The following MDGA2 variants were observed in gnomAD, a reference collection of about 807,000 sequenced individuals.
MDGA2 encodes the protein MAM domain-containing glycosylphosphatidylinositol anchor protein 2.
Under a neutral mutation model 117.8 loss-of-function variants are expected in MDGA2, and 40 were observed. The ratio of observed to expected loss-of-function variants is 0.34; its 90% CI spans 0.26 to 0.44. The LOEUF (loss-of-function observed/expected upper bound fraction) is 0.44. Ranked by LOEUF, MDGA2 falls within the 20% of genes least tolerant of loss-of-function variation. The pLI is 1.00. For synonymous variants in MDGA2, 452 were observed against 439.0 expected (o/e 1.03, Z -0.37); for missense variants, 1,123 against 1,250.6 (o/e 0.90, Z 1.54).
intron 5 of MDGA2, among the ~76,000 whole-genome samples, chr14:47,098,339 C>T (rs948854484): frequency 6.6e-6 from 1 of 150,592 alleles, no homozygotes; most frequent in Non-Finnish European, 1.5e-5. Context: ...CATGAAGTGC[C>T]TGTATGACCT....
chr14:47,402,572 C>T (rs1458663504), intron 1 of MDGA2, among the ~76,000 whole-genome samples: 4 of 151,652 alleles, frequency 2.6e-5, no homozygotes, highest in Admixed American at 2.0e-4. Context: ...GTTGCTGGAA[C>T]GATGTAGAAA....
intron 8 of MDGA2, among the ~76,000 whole-genome samples, chr14:46,981,927 C>A (rs943228811): frequency 6.6e-6 from 1 of 152,124 alleles, no homozygotes. Flanking sequence ...GGGTGACAAA[C>A]CAAAAGCATA....
At chr14:46,915,470 G>T (rs1190905850) in intron 10 of MDGA2, among the ~76,000 whole-genome samples, 1 of 151,838 alleles carries the variant, frequency 6.6e-6, no homozygotes, top group Non-Finnish European at 1.5e-5. Flanking sequence ...AAGAACAGAG[G>T]GGCTAATCTA....
intron 12 of MDGA2, among the ~76,000 whole-genome samples, chr14:46,876,353 T>G (rs1012784454): frequency 2.6e-5 from 4 of 151,602 alleles, no homozygotes; most frequent in African/African-American, 9.7e-5. Flanking sequence ...GCAAATACAT[T>G]TATTCATTTA....
chr14:47,125,966 T>G (rs1265794561), intron 5 of MDGA2, among the ~76,000 whole-genome samples: 3 of 152,036 alleles, frequency 2.0e-5, no homozygotes, highest in Non-Finnish European at 2.9e-5. Flanking sequence ...ACTTGTTTTA[T>G]CATAATTTCT....
intron 9 of MDGA2, among the ~76,000 whole-genome samples, chr14:46,935,032 TA>T (rs376902494): frequency 1.2e-3 from 184 of 148,674 alleles, no homozygotes; most frequent in African/African-American, 4.1e-3. Context: ...TGTCAGAATT[TA>T]AAAAAAAAAA....
intron 5 of MDGA2, among the ~76,000 whole-genome samples, chr14:47,126,485 A>T (rs1027433680): frequency 3.3e-5 from 5 of 152,138 alleles, no homozygotes; most frequent in Non-Finnish European, 5.9e-5. Flanking sequence ...ATGGGAGTCA[A>T]CAAATTAATT....
At chr14:47,124,023 A>G (rs1289698746) in intron 5 of MDGA2, among the ~76,000 whole-genome samples, 2 of 152,098 alleles carry the variant, frequency 1.3e-5, no homozygotes, top group Admixed American at 6.6e-5. Flanking sequence ...CAATATTCTA[A>G]TAAGATTTGT....
rs567604022 is a variant in MDGA2, at chr14:47,140,493, T to A, written c.792+3585A>T. On this transcript the variant is annotated intron_variant, in intron 4 of 16. Coordinates refer to ENST00000399232, the MANE Select transcript of MDGA2 (RefSeq NM_001113498.3). ...ACATAAAAATAGACATAGAGACCAA[T>A]GGAATGGAATAGACAGCACATAACC... Among the ~76,000 whole-genome samples, 9 of 152,068 alleles carry A rather than the reference T, an allele frequency of 5.9e-5. No homozygotes were observed. In the East Asian group the frequency reaches 1.7e-3, roughly 29 times the overall value.
At chr14:47,532,569 T>C (rs944971924) in intron 1 of MDGA2, among the ~76,000 whole-genome samples, 1 of 152,250 alleles carries the variant, frequency 6.6e-6, no homozygotes, top group African/African-American at 2.4e-5. Context: ...AAGTTTAGTA[T>C]ATTTCCACTA....
At chr14:47,189,181 T>C (rs529016284) in intron 3 of MDGA2, among the ~76,000 whole-genome samples, 50 of 152,172 alleles carry the variant, frequency 3.3e-4, no homozygotes, top group Non-Finnish European at 4.4e-4. Flanking sequence ...TCTCTTCCCC[T>C]TACCTCTTTC....
At chr14:47,029,610 A>C (rs368748908) in intron 8 of MDGA2, among the ~76,000 whole-genome samples, 1 of 152,300 alleles carries the variant, frequency 6.6e-6, no homozygotes, top group African/African-American at 2.4e-5. Context: ...ATTTTCAAGG[A>C]AGTATACTTT....
intron 10 of MDGA2, among the ~76,000 whole-genome samples, chr14:46,897,670 GTGTTAGCTA>G (rs199798078): frequency 0.62 from 92,724 of 150,230 alleles, 29,698 homozygotes; most frequent in Admixed American, 0.73. Context: ...AATTATACAA[GTGTTAGCTA>G]ATGCAATAAT....
intron 9 of MDGA2, among the ~76,000 whole-genome samples, chr14:46,935,690 A>G (rs1884753108): frequency 6.6e-6 from 1 of 152,088 alleles, no homozygotes; most frequent in South Asian, 2.1e-4. Flanking sequence ...GTCCATGATA[A>G]ATGCCCACAA....
intron 1 of MDGA2, among the ~76,000 whole-genome samples, chr14:47,540,520 A>ATGTG (rs147620834): frequency 0.17 from 16,980 of 102,518 alleles, 2,044 homozygotes; most frequent in Non-Finnish European, 0.23. Flanking sequence ...GTATATGTAT[A>ATGTG]TGTGTGTGTG....
intron 1 of MDGA2, among the ~76,000 whole-genome samples, chr14:47,372,461 A>G (rs1057265332): frequency 1.3e-5 from 2 of 151,882 alleles, no homozygotes; most frequent in Non-Finnish European, 3.0e-5. Flanking sequence ...ATTGCTAATC[A>G]ACATATGAAA....
intron 2 of MDGA2, among the ~76,000 whole-genome samples, chr14:47,287,594 A>C (rs574094169): frequency 6.6e-6 from 1 of 152,262 alleles, no homozygotes; most frequent in South Asian, 2.1e-4. Context: ...ATTATTAACT[A>C]TAGTCACAAT....
At chr14:47,448,419 C>T (rs988137518) in intron 1 of MDGA2, among the ~76,000 whole-genome samples, 4 of 152,020 alleles carry the variant, frequency 2.6e-5, no homozygotes, top group African/African-American at 7.2e-5. Flanking sequence ...GGATTACAGG[C>T]GTGAGATACT....
chr14:46,843,972 A>G (rs2138265136), intron 16 of MDGA2, among the ~76,000 whole-genome samples: 2 of 152,314 alleles, frequency 1.3e-5, no homozygotes, highest in East Asian at 3.9e-4. Flanking sequence ...AACAGGAATG[A>G]TTTTAGATTT....
Sources: gnomAD v4.1 joint callset for allele counts (sites outside exome capture counted in the v4.1 genomes callset) on GRCh38, gnomAD v4.1.1 for gene constraint, MANE v1.5 for transcripts, NCBI Gene and HGNC (gene_info 2026-07-23, HGNC 2026-07-21) for gene names.